Variants in PIAS4 observed in about 807,000 individuals in gnomAD.
PIAS4 encodes protein inhibitor of activated STAT 4.
A neutral mutation model predicts 58.0 loss-of-function variants in PIAS4; 7 were observed. The ratio of observed to expected loss-of-function variants is 0.12; its 90% confidence interval spans 0.07 to 0.23. PIAS4 has a LOEUF of 0.23. Among genes scored for constraint, PIAS4 ranks in the 10% least tolerant of loss-of-function variants. The pLI is 1.00. For missense variants in PIAS4, 550 were observed against 709.5 expected, an observed-to-expected ratio of 0.78 and a Z score of 2.55; for synonymous variants, 364 against 312.4, an observed-to-expected ratio of 1.17 and a Z score of -1.74.
intron 3 of PIAS4, among the ~76,000 whole-genome samples, chr19:4,024,754 GT>G (rs1180414449): frequency 1.6e-4 from 5 of 30,764 alleles, no homozygotes; most frequent in African/African-American, 4.3e-4. Context: ...TAAGTCAGGT[GT>G]TTTTTTGTTT....
In PIAS4 at chr19:4,033,500, G is replaced by A. The variant is rs759994474; in HGVS notation, c.1062G>A (p.Leu354=). Reference sequence around the variant, plus strand: ...AGTGCTTCGACGCCGTCTTCTACCTGCAGATGAACGAGAAGAAGCCCACCT... The same window carrying A: ...AGTGCTTCGACGCCGTCTTCTACCTACAGATGAACGAGAAGAAGCCCACCT... ...HLQCFDAVFY[L]QMNEKKPTWM... The change falls in exon 9 of 11, where the codon CTG becomes CTA. Residue 354 remains leucine, a synonymous_variant. Transcript: ENST00000262971. The A allele has an allele frequency of 6.3e-7, 1 of 1,599,322 alleles. No individual in the cohort carries two copies. Among genetic ancestry groups the A allele is most frequent in the South Asian group, 1.1e-5 (1 of 88,520 alleles).
At chr19:4,009,212 A>T (rs1296201664) in intron 1 of PIAS4, among the ~76,000 whole-genome samples, 2 of 151,446 alleles carry the variant, frequency 1.3e-5, no homozygotes, top group Non-Finnish European at 2.9e-5. Context: ...GTCCTCTCAC[A>T]TTACCCCCTG....
At chr19:4,008,208 C>T (rs191565550) in intron 1 of PIAS4, among the ~76,000 whole-genome samples, 325 of 152,226 alleles carry the variant, frequency 2.1e-3, no homozygotes, top group African/African-American at 7.3e-3. Flanking sequence ...GGGGGAGTGT[C>T]TGCGCCTCCC....
rs772302465 is a variant in PIAS4 at position 4,013,210 on chromosome 19, T to C, written c.315T>C (p.Asn105=). Reference sequence around the variant, plus strand: ...CCAGGACTCCGCTGGCAGGCCCCAATATTGACTACCCCGTGCTCTACGGAA... The same window carrying C: ...CCAGGACTCCGCTGGCAGGCCCCAACATTGACTACCCCGTGCTCTACGGAA... The part of the protein sequence containing the change: ...AVPRTPLAGP[N]IDYPVLYGKY... Residue 105 remains asparagine, a synonymous_variant, in exon 2 of 11, where the codon AAT becomes AAC. Transcript: ENST00000262971. The surrounding 1 kb of genome is among the most constrained non-coding windows in gnomAD (Gnocchi z 5.1). 2.5e-6 allele frequency: 4 copies of C among 1,613,388 alleles called. No homozygotes were observed. Among genetic ancestry groups the C allele is most frequent in the South Asian group, 1.1e-5 (1 of 91,076 alleles).
intron 1 of PIAS4, among the ~76,000 whole-genome samples, chr19:4,009,262 C>G (rs2039970925): frequency 6.6e-6 from 1 of 152,128 alleles, no homozygotes; most frequent in African/African-American, 2.4e-5. Flanking sequence ...GTGATTATAG[C>G]ATATACCTCT....
At chr19:4,033,399 C>T (rs368408498) in intron 8 of PIAS4, 21 bp from the exon 9 acceptor site, 420 of 1,543,218 alleles carry the variant, frequency 2.7e-4, no homozygotes, top group Non-Finnish European at 3.5e-4. Context: ...GTGCCCTGCT[C>T]ACGCAGCCCC....
chr19:4,012,452 C>T (rs111315199), intron 1 of PIAS4, among the ~76,000 whole-genome samples: 6 of 152,156 alleles, frequency 3.9e-5, no homozygotes, highest in Non-Finnish European at 5.9e-5. Flanking sequence ...TTGGCGAGAC[C>T]GAAGGGAAAA....
Position 4,033,146 on chromosome 19 carries a change from C to A in PIAS4, c.954C>A (p.Thr318=). ...ATCCTGACAGCGAGATCGCCACCAC[C>A]GGTGTGCGGGTGTCCCTCATCTGTC... ...RLDPDSEIAT[T]GVRVSLICPL... Residue 318 remains threonine (T), a synonymous_variant, in exon 8 of 11, where the codon ACC becomes ACA. Transcript: ENST00000262971. 6.2e-7 allele frequency: 1 copy of A among 1,611,000 alleles called. No homozygotes were observed.
chr19:4,018,893 C>T (rs1422970039), intron 2 of PIAS4, among the ~76,000 whole-genome samples: 13 of 151,972 alleles, frequency 8.6e-5, no homozygotes, highest in Admixed American at 8.5e-4. Context: ...GTGCGGAGGC[C>T]CTGATGCAGC....
intron 9 of PIAS4, among the ~76,000 whole-genome samples, chr19:4,036,165 AACAC>A (rs1259565921): frequency 5.0e-4 from 3 of 5,948 alleles, no homozygotes; most frequent in Admixed American, 2.2e-3. Context: ...CCGTCATACA[AACAC>A]ACACACATCT....
chr19:4,023,382 C>A (rs1270421792), intron 2 of PIAS4, among the ~76,000 whole-genome samples: 1 of 152,160 alleles, frequency 6.6e-6, no homozygotes, highest in African/African-American at 2.4e-5. Context: ...ATCGCTTAAA[C>A]CCGGGAGACG....
Position 4,011,014 on chromosome 19 carries a change from C to T in PIAS4, c.28-1909C>T, listed in dbSNP as rs112368514. On this transcript the variant is annotated intron_variant, in intron 1 of 10. Transcript: ENST00000262971. ...CAGATGAGGACCCGACAGTGGGCCC[C>T]GGCTGCTGCAGCTTTGGTGCTGAAA... Among the ~76,000 whole-genome samples the T allele has an allele frequency of 5.9e-3, 902 of 152,320 alleles. 11 individuals carry two copies. Among genetic ancestry groups the T allele is most frequent in the African/African-American group, 0.017 (726 of 41,574 alleles).
At chr19:4,025,594 C>A (rs1374265242) in intron 3 of PIAS4, among the ~76,000 whole-genome samples, 1 of 152,172 alleles carries the variant, frequency 6.6e-6, no homozygotes, top group Admixed American at 6.5e-5. Context: ...GGCCCTCACA[C>A]CTAGTAAGGG....
chr19:4,026,776 A>G (rs1240094171), intron 3 of PIAS4, among the ~76,000 whole-genome samples: 1 of 151,998 alleles, frequency 6.6e-6, no homozygotes, highest in African/African-American at 2.4e-5. Flanking sequence ...TCCGCCTCCC[A>G]GGTTCAAGTG....
In PIAS4 at chr19:4,038,179, T is replaced by G; in HGVS notation, c.*304T>G. The G allele has an allele frequency of 2.9e-6, 1 of 345,836 alleles. No individual in the cohort carries two copies. The highest frequency in any genetic ancestry group is 2.3e-5 in the African/African-American group (1 of 44,162). 21.4% of individuals were successfully genotyped at this position (345,836 alleles called of 1,614,324 possible). A position where few individuals can be genotyped will look rare whatever the true frequency, so the allele number is the denominator to read the frequency against. ...GGCTGGAGTCCGAGCCGGGAAGGGG[T>G]AGTGGGCGGGAGGGACCAGGACGCC... On this transcript the variant is annotated 3_prime_UTR_variant, in exon 11 of 11. Coordinates refer to ENST00000262971, the MANE Select transcript of PIAS4 (RefSeq NM_015897.4). The surrounding 1 kb of genome is among the most constrained non-coding windows in gnomAD (Gnocchi z 4.1).
intron 9 of PIAS4, among the ~76,000 whole-genome samples, chr19:4,036,531 CTG>C: frequency 7.2e-6 from 1 of 139,236 alleles, no homozygotes; most frequent in South Asian, 2.3e-4. Flanking sequence ...CAGTCCACAC[CTG>C]TTACATGCAC....
chr19:4,036,885 C>A (rs772883145), intron 9 of PIAS4, among the ~76,000 whole-genome samples: 1 of 151,918 alleles, frequency 6.6e-6, no homozygotes, highest in Non-Finnish European at 1.5e-5. Flanking sequence ...TCCACATTCA[C>A]GTATGCCCAT....
chr19:4,033,600 G>C lies in PIAS4; in HGVS notation c.1142+20G>C. On this transcript the variant is annotated intron_variant, in intron 9 of 10. Coordinates refer to ENST00000262971, the MANE Select transcript of PIAS4 (RefSeq NM_015897.4). ...CGACGGGTGAGCCCGGGGCCCCGGG[G>C]AGGGCGGCCGGAGCCGGACATCCGT... is the stretch of plus-strand genomic sequence containing the variant. 6.3e-7 allele frequency: 1 copy of C among 1,578,414 alleles called. No homozygotes were observed. Among genetic ancestry groups the C allele is most frequent in the Non-Finnish European group, 8.6e-7 (1 of 1,163,056 alleles).
intron 3 of PIAS4, among the ~76,000 whole-genome samples, chr19:4,025,967 G>A (rs1309414576): frequency 1.3e-5 from 2 of 150,190 alleles, no homozygotes; most frequent in African/African-American, 2.4e-5. Flanking sequence ...CCAGCTACTC[G>A]GGAGGCTGAG....
Sources: allele counts gnomAD v4.1 joint callset (sites outside exome capture counted in the v4.1 genomes callset), GRCh38; gene constraint gnomAD v4.1.1; non-coding constraint Gnocchi (gnomAD v3.1); transcripts MANE v1.5; gene names NCBI Gene and HGNC (gene_info 2026-07-23, HGNC 2026-07-21).